The following TMTC1 variants were observed in gnomAD, a reference collection of about 807,000 sequenced individuals.
The protein encoded by TMTC1 is protein O-mannosyl-transferase TMTC1.
TMTC1 carries 73 observed loss-of-function variants against 104.8 expected under a neutral mutation model. The observed-to-expected ratio is 0.70, with a 90% CI of 0.58 to 0.85. The LOEUF is 0.85. Among genes scored for constraint, TMTC1 ranks in the 40% least tolerant of loss-of-function variants. The probability of loss-of-function intolerance (pLI) is 0.00; values close to 1 mark genes in which losing one functional copy is unlikely to be tolerated. For synonymous variants in TMTC1, 434 were observed against 428.7 expected (o/e 1.01, Z -0.15); for missense variants, 1,035 against 1,096.1 (o/e 0.94, Z 0.79).
rs1400798525 is a variant in TMTC1 at position 29,610,415 on chromosome 12, G to T, written c.1129-6116C>A. Among the ~76,000 whole-genome samples, 6 of 152,334 alleles carry T rather than the reference G, an allele frequency of 3.9e-5. No homozygotes were observed. The East Asian group carries it at 1.2e-3, about 29-fold the overall frequency. ...AGAGCTCTGTTATCTGGCAAATGGGGTTGAAACCAATTTCTCAATAGCTGG... is the reference window on the plus strand; with the variant it reads ...AGAGCTCTGTTATCTGGCAAATGGGTTTGAAACCAATTTCTCAATAGCTGG... On this transcript the variant is annotated intron_variant, in intron 6 of 17. Transcript: ENST00000539277.
Position 29,744,830 on chromosome 12 carries a change from A to C in TMTC1, c.938+6836T>G, listed in dbSNP as rs144450196. ...ACCCACCAAAGAACATTAAAGGCAC[A>C]GTAATGACACTATTCCAATAAACAC... On this transcript the variant is annotated intron_variant, in intron 5 of 17. Coordinates refer to ENST00000539277, the MANE Select transcript of TMTC1 (RefSeq NM_001193451.2). Among the ~76,000 whole-genome samples the C allele has an allele frequency of 7.2e-5, 11 of 152,386 alleles. No individual in the cohort carries two copies. In the East Asian group the frequency reaches 1.9e-3, roughly 27 times the overall value.
chr12:29,753,142 G>A (rs140574688), intron 4 of TMTC1, among the ~76,000 whole-genome samples: 35 of 152,218 alleles, frequency 2.3e-4, no homozygotes, highest in African/African-American at 7.0e-4. Context: ...TGAATCATAC[G>A]ATGAAAGATC....
rs1365663612 is a variant in TMTC1, at chr12:29,520,648, T to G, written c.1858A>C (p.Asn620His). The change falls in exon 12 of 18, where the codon AAC (asparagine) becomes CAC (histidine). Residue 620 changes from asparagine to histidine, a missense_variant. Physicochemically the swap from Asn to His is moderately conservative, Grantham distance 68 (BLOSUM62 1). Transcript: ENST00000539277. ...KNCPDSSDLH[N>H]NYGVFLVDTG... is the part of the protein sequence containing the mutation. ...TCAACTAAGAAAACCCCATAGTTGT[T>G]GTGTAAATCTGAGCTGTCTGGACAG... is the stretch of plus-strand genomic sequence containing the variant. 1.8e-5 allele frequency: 29 copies of G among 1,613,772 alleles called. No individual in the cohort carries two copies. Among genetic ancestry groups the G allele is most frequent in the Non-Finnish European group, 2.3e-5 (27 of 1,179,904 alleles).
chr12:29,638,534 A>G (rs1486376891), intron 5 of TMTC1, among the ~76,000 whole-genome samples: 1 of 152,148 alleles, frequency 6.6e-6, no homozygotes, highest in Non-Finnish European at 1.5e-5. Context: ...AGGATACAGA[A>G]AGCCCTCTGT....
intron 9 of TMTC1, among the ~76,000 whole-genome samples, chr12:29,571,410 GGTTGGGTACTTCCGACTGGCTA>G (rs1179731159): frequency 6.6e-6 from 1 of 151,988 alleles, no homozygotes; most frequent in Non-Finnish European, 1.5e-5. Flanking sequence ...ATAACTGGCT[GGTTGGGTACTTCCGACTGGCTA>G]GTTGGGTACT....
At chr12:29,747,280 A>C (rs188694154) in intron 5 of TMTC1, among the ~76,000 whole-genome samples, 1 of 152,298 alleles carries the variant, frequency 6.6e-6, no homozygotes, top group African/African-American at 2.4e-5. Flanking sequence ...GGATGTTTAC[A>C]CACAAAACAT....
At chr12:29,576,753 G>C (rs536275109) in intron 8 of TMTC1, among the ~76,000 whole-genome samples, 21 of 152,218 alleles carry the variant, frequency 1.4e-4, no homozygotes, top group African/African-American at 5.1e-4. Context: ...TATATTTTAA[G>C]TCTGCAAAGA....
intron 17 of TMTC1, among the ~76,000 whole-genome samples, chr12:29,509,187 A>T (rs572402722): frequency 6.6e-6 from 1 of 152,320 alleles, no homozygotes; most frequent in East Asian, 1.9e-4. Context: ...TAGAAAATGC[A>T]TATTTACTGT....
At chr12:29,761,618 G>A (rs1943351405) in intron 2 of TMTC1, among the ~76,000 whole-genome samples, 1 of 150,898 alleles carries the variant, frequency 6.6e-6, no homozygotes, top group African/African-American at 2.4e-5. Context: ...AGAGTCAAGG[G>A]AAAAAATGGG....
In TMTC1 at chr12:29,751,643, G is replaced by C. The variant is rs375187318; in HGVS notation, c.938+23C>G. 46 of 1,613,244 alleles carry C rather than the reference G, an allele frequency of 2.9e-5. No homozygotes were observed. The South Asian group carries it at 3.0e-4, about 10-fold the overall frequency. On this transcript the variant is annotated intron_variant, in intron 5 of 17. Coordinates refer to ENST00000539277, the MANE Select transcript of TMTC1 (RefSeq NM_001193451.2). ...ATGCTGGACATTGAAAACATGCAGG[G>C]ACCAAGAAACCCAGCCCAGTACCTC... is the stretch of plus-strand genomic sequence containing the variant.
chr12:29,717,086 T>G (rs191080685), intron 5 of TMTC1, among the ~76,000 whole-genome samples: 83 of 152,268 alleles, frequency 5.5e-4, no homozygotes, highest in African/African-American at 2.0e-3. Context: ...TGATATATTT[T>G]TAAAATATAA....
chr12:29,538,860 G>A (rs552345537), intron 10 of TMTC1, among the ~76,000 whole-genome samples: 2 of 152,296 alleles, frequency 1.3e-5, no homozygotes, highest in South Asian at 4.1e-4. Context: ...AAGATGCAAA[G>A]ACTCTGGCAG....
At chr12:29,562,286 G>A (rs567345787) in intron 9 of TMTC1, among the ~76,000 whole-genome samples, 5 of 152,276 alleles carry the variant, frequency 3.3e-5, no homozygotes, top group African/African-American at 9.6e-5. Context: ...GAAATGTGAC[G>A]CACTCTTCAA....
chr12:29,528,733 T>C (rs1225601283), intron 11 of TMTC1, among the ~76,000 whole-genome samples: 1 of 152,186 alleles, frequency 6.6e-6, no homozygotes, highest in East Asian at 1.9e-4. Flanking sequence ...AATTTTAGAA[T>C]GCCTTTGAAC....
chr12:29,721,994 C>T (rs1356867398), intron 5 of TMTC1, among the ~76,000 whole-genome samples: 2 of 152,022 alleles, frequency 1.3e-5, no homozygotes, highest in Non-Finnish European at 2.9e-5. Flanking sequence ...TTAATAGATG[C>T]CTATTGTATC....
At chr12:29,696,672 T>C (rs1220049170) in intron 5 of TMTC1, among the ~76,000 whole-genome samples, 1 of 152,212 alleles carries the variant, frequency 6.6e-6, no homozygotes. Context: ...GTTTAAGGAA[T>C]TAATATGGTT....
chr12:29,606,382 C>T (rs1946699024), intron 6 of TMTC1, among the ~76,000 whole-genome samples: 2 of 152,070 alleles, frequency 1.3e-5, no homozygotes, highest in Non-Finnish European at 2.9e-5. Flanking sequence ...CACAAGAATC[C>T]TGTATATCAA....
At chr12:29,611,565 AT>A (rs1946847291) in intron 6 of TMTC1, among the ~76,000 whole-genome samples, 1 of 152,224 alleles carries the variant, frequency 6.6e-6, no homozygotes, top group Non-Finnish European at 1.5e-5. Flanking sequence ...GTGAATAAAT[AT>A]TTTCCTGATT....
rs1252400986 is a variant in TMTC1 at position 29,506,672 on chromosome 12, A to G, written c.*174T>C. Reference sequence around the variant, plus strand: ...TTGCTGTTTTCGTCTTCTTCATGGAAAAGCAAGTCCTTCAGCACTGGGCTA... The same window carrying G: ...TTGCTGTTTTCGTCTTCTTCATGGAGAAGCAAGTCCTTCAGCACTGGGCTA... On this transcript the variant is annotated 3_prime_UTR_variant, in exon 18 of 18. Transcript: ENST00000539277. 7 of 711,910 alleles carry G rather than the reference A, an allele frequency of 9.8e-6. No individual in the cohort carries two copies. The highest frequency in any genetic ancestry group is 1.4e-5 in the Non-Finnish European group (6 of 431,874). 44.1% of individuals were successfully genotyped at this position (711,910 alleles called of 1,614,324 possible).
Sources: allele counts gnomAD v4.1 joint callset (sites outside exome capture counted in the v4.1 genomes callset), GRCh38; gene constraint gnomAD v4.1.1; transcripts MANE v1.5; gene names NCBI Gene and HGNC (gene_info 2026-07-23, HGNC 2026-07-21).